Variants in AGPAT4 observed in about 807,000 individuals in gnomAD.
The protein encoded by AGPAT4 is 1-acyl-sn-glycerol-3-phosphate acyltransferase delta.
Under a neutral mutation model 48.0 loss-of-function variants are expected in AGPAT4, and 15 were observed. The ratio of observed to expected loss-of-function variants is 0.31; its 90% CI spans 0.21 to 0.48. The LOEUF is 0.48. Among genes scored for constraint, AGPAT4 ranks in the 20% least tolerant of loss-of-function variants. The pLI, the probability that AGPAT4 is intolerant of heterozygous loss-of-function variation, is 0.99. For synonymous variants in AGPAT4, 178 were observed against 198.7 expected, an observed-to-expected ratio of 0.90 and a Z score of 0.88; for missense variants, 314 against 482.5, an observed-to-expected ratio of 0.65 and a Z score of 3.27.
chr6:161,247,135 C>T (rs566694873), intron 1 of AGPAT4, among the ~76,000 whole-genome samples: 1 of 152,308 alleles, frequency 6.6e-6, no homozygotes, highest in African/African-American at 2.4e-5. Context: ...AAATTACCTG[C>T]GGAATCCCCT....
intron 3 of AGPAT4, among the ~76,000 whole-genome samples, chr6:161,157,271 G>A (rs144338867): frequency 8.5e-4 from 129 of 152,322 alleles, no homozygotes; most frequent in African/African-American, 2.8e-3. Flanking sequence ...GCATGCTTTC[G>A]CCATCTGCTT....
intron 2 of AGPAT4, among the ~76,000 whole-genome samples, chr6:161,209,002 A>C (rs557748340): frequency 6.6e-6 from 1 of 152,358 alleles, no homozygotes; most frequent in South Asian, 2.1e-4. Flanking sequence ...AAGAAAACGC[A>C]CATCGAACAG....
intron 2 of AGPAT4, among the ~76,000 whole-genome samples, chr6:161,205,179 G>A (rs547385024): frequency 1.4e-4 from 22 of 152,188 alleles, no homozygotes; most frequent in Admixed American, 4.6e-4. Context: ...TCCGCCTCTC[G>A]TCCACCTGAT....
rs769930715 is a variant in AGPAT4, at chr6:161,201,734, C to T, written c.178+30302G>A. Among the ~76,000 whole-genome samples the T allele has an allele frequency of 2.0e-5, 3 of 152,210 alleles. No individual in the cohort carries two copies. Among genetic ancestry groups the T allele is most frequent in the Admixed American group, 2.0e-4 (3 of 15,282 alleles). ...TCAAAAGATAGGGGTAGGTAAATTA[C>T]TGTGGCCCAACTAGGGCCAGGTCCT... On this transcript the variant is annotated intron_variant, in intron 2 of 8. Coordinates refer to ENST00000320285, the MANE Select transcript of AGPAT4 (RefSeq NM_020133.3). The surrounding 1 kb of genome is among the most constrained non-coding windows in gnomAD (Gnocchi z 6.0).
chr6:161,151,471 G>A (rs1426016265), intron 5 of AGPAT4, among the ~76,000 whole-genome samples: 1 of 152,246 alleles, frequency 6.6e-6, no homozygotes, highest in African/African-American at 2.4e-5. Context: ...CCAACCCAGA[G>A]GGGATGGATC....
Position 161,147,257 on chromosome 6 carries a change from C to G in AGPAT4, c.768-658G>C. Among the ~76,000 whole-genome samples, 1 of 152,106 alleles carries G rather than the reference C, an allele frequency of 6.6e-6. No homozygotes were observed. Among genetic ancestry groups the G allele is most frequent in the East Asian group, 1.9e-4 (1 of 5,196 alleles). ...AGCGAGAGCTCAGAGACTTGGGTGG[C>G]TCTGGGGACTGGTGCTGGCAAGGGC... On this transcript the variant is annotated intron_variant, in intron 6 of 8. Transcript: ENST00000320285. The surrounding 1 kb of genome is among the most constrained non-coding windows in gnomAD (Gnocchi z 4.8).
At position 161,141,265 on chromosome 6, in the gene AGPAT4, G is replaced by A. The variant is rs1456287235; in HGVS notation, c.844-1645C>T. 6.6e-6 allele frequency among the ~76,000 whole-genome samples: 1 copy of A among 152,104 alleles called. No individual in the cohort carries two copies. The highest frequency in any genetic ancestry group is 1.5e-5 in the Non-Finnish European group (1 of 68,016). ...GAAGCGTCACTTGTCGCGTGACTCTGCTGTTGGACATCAGCCAAGAGAAGC... is the reference window on the plus strand; with the variant it reads ...GAAGCGTCACTTGTCGCGTGACTCTACTGTTGGACATCAGCCAAGAGAAGC... On this transcript the variant is annotated intron_variant, in intron 7 of 8. Coordinates refer to ENST00000320285, the MANE Select transcript of AGPAT4 (RefSeq NM_020133.3). This position sits in a 1 kb window ranked among gnomAD's most constrained non-coding sequence, Gnocchi z 6.7.
At chr6:161,273,833 T>C (rs1783514377) in intron 1 of AGPAT4, 105 bp downstream of exon 1, 1 of 117,154 alleles carries the variant, frequency 8.5e-6, no homozygotes, top group African/African-American at 3.3e-5. Context: ...CCAGAGGTCC[T>C]AAGGAAATCC....
chr6:161,178,090 CG>C lies in AGPAT4; in HGVS notation c.179-11674del, dbSNP rs1780476869. ...GGAGGTGTCTCCCAGTTAGGCTACT[CG>C]GGGGTCAGGGACCCACTTGAGGAGG... is the stretch of plus-strand genomic sequence containing the variant. On this transcript the variant is annotated intron_variant, in intron 2 of 8. Transcript: ENST00000320285. This position sits in a 1 kb window ranked among gnomAD's most constrained non-coding sequence, Gnocchi z 5.1. Among the ~76,000 whole-genome samples, 1 of 152,204 alleles carries C rather than the reference CG, an allele frequency of 6.6e-6. No homozygotes were observed. Among genetic ancestry groups the C allele is most frequent in the South Asian group, 2.1e-4 (1 of 4,828 alleles).
chr6:161,179,751 A>G (rs1562326390), intron 2 of AGPAT4, among the ~76,000 whole-genome samples: 1 of 152,186 alleles, frequency 6.6e-6, no homozygotes, highest in South Asian at 2.1e-4. Context: ...TATGAATAGT[A>G]CATACATTTT....
rs200357662 is a variant in AGPAT4, at chr6:161,219,966, A to ACAGGCAGG, written c.178+12062_178+12069dup. ...GGCAGGCAGACAGACAGACAGACAG[A>ACAGGCAGG]CAGGCAGGCAGATAGATACATTTAA... On this transcript the variant is annotated intron_variant, in intron 2 of 8. Coordinates refer to ENST00000320285, the MANE Select transcript of AGPAT4 (RefSeq NM_020133.3). The surrounding 1 kb of genome is among the most constrained non-coding windows in gnomAD (Gnocchi z 4.9). Among the ~76,000 whole-genome samples the ACAGGCAGG allele has an allele frequency of 1.3e-5, 2 of 150,624 alleles. No homozygotes were observed. The highest frequency in any genetic ancestry group is 4.2e-4 in the South Asian group (2 of 4,782).
chr6:161,170,468 C>CGT (rs1780235309), intron 2 of AGPAT4, among the ~76,000 whole-genome samples: 1 of 77,206 alleles, frequency 1.3e-5, no homozygotes, highest in African/African-American at 5.5e-5. Context: ...CACACGTGCG[C>CGT]GCGCGCACAC....
In AGPAT4 at chr6:161,229,279, AC is replaced by A. The variant is rs1428096638; in HGVS notation, c.178+2756del. 6.6e-6 allele frequency among the ~76,000 whole-genome samples: 1 copy of A among 152,112 alleles called. No individual in the cohort carries two copies. On this transcript the variant is annotated intron_variant, in intron 2 of 8. Transcript: ENST00000320285. The surrounding 1 kb of genome is among the most constrained non-coding windows in gnomAD (Gnocchi z 6.0). ...CAGCTGCAAATCATGAATGCTGATG[AC>A]TGTCTAAGCTCAGAGTGACTCATAC... is the stretch of plus-strand genomic sequence containing the variant.
At chr6:161,209,835 G>T (rs1364456655) in intron 2 of AGPAT4, among the ~76,000 whole-genome samples, 9 of 152,124 alleles carry the variant, frequency 5.9e-5, no homozygotes, top group Admixed American at 5.2e-4. Context: ...GACCAGGCAG[G>T]ATGTGATGAA....
At position 161,215,354 on chromosome 6, in the gene AGPAT4, GT is replaced by G. The variant is rs1781617289; in HGVS notation, c.178+16681del. ...GGACATATTTGTGCTGAATCTCAAG[GT>G]TTTTGAGGCCATGGCTCATTCCTTC... On this transcript the variant is annotated intron_variant, in intron 2 of 8. Coordinates refer to ENST00000320285, the MANE Select transcript of AGPAT4 (RefSeq NM_020133.3). The surrounding 1 kb of genome is among the most constrained non-coding windows in gnomAD (Gnocchi z 4.5). Among the ~76,000 whole-genome samples, 1 of 152,114 alleles carries G rather than the reference GT, an allele frequency of 6.6e-6. No individual in the cohort carries two copies. The highest frequency in any genetic ancestry group is 1.5e-5 in the Non-Finnish European group (1 of 68,016).
rs1214321345 is a variant in AGPAT4 at position 161,136,619 on chromosome 6, C to T, written c.1058G>A (p.Arg353Gln). 2 of 1,614,166 alleles carry T rather than the reference C, an allele frequency of 1.2e-6. No homozygotes were observed. The highest frequency in any genetic ancestry group is 1.7e-6 in the Non-Finnish European group (2 of 1,180,014). Residue 353 changes from arginine (R) to glutamine (Q), a missense_variant, in exon 9 of 9, where the codon CGA (arginine) becomes CAA (glutamine). Arg to Gln is a conservative substitution (Grantham distance 43). Transcript: ENST00000320285. ...AATTTCCGTCACACCAATCATCCAT[C>T]GAACTCCCACGGAGGCTGCAGAGAC... ...LVFFVASVGV[R>Q]WMIGVTEIDK...
intron 1 of AGPAT4, among the ~76,000 whole-genome samples, chr6:161,256,764 TGG>T (rs955911116): frequency 3.9e-5 from 6 of 152,032 alleles, no homozygotes; most frequent in Non-Finnish European, 8.8e-5. Flanking sequence ...ATGAAATCAG[TGG>T]GGAGATAAAT....
At chr6:161,250,407 C>T (rs560740243) in intron 1 of AGPAT4, among the ~76,000 whole-genome samples, 108 of 152,236 alleles carry the variant, frequency 7.1e-4, no homozygotes, top group Non-Finnish European at 1.4e-3. Flanking sequence ...ATGCTCTTTT[C>T]TAGCCTTTAA....
In AGPAT4 at chr6:161,137,048, G is replaced by A. The variant is rs2114947319; in HGVS notation, c.1043-414C>T. 6.6e-6 allele frequency among the ~76,000 whole-genome samples: 1 copy of A among 152,348 alleles called. No individual in the cohort carries two copies. Among genetic ancestry groups the A allele is most frequent in the East Asian group, 1.9e-4 (1 of 5,182 alleles). On this transcript the variant is annotated intron_variant, in intron 8 of 8. Coordinates refer to ENST00000320285, the MANE Select transcript of AGPAT4 (RefSeq NM_020133.3). This position sits in a 1 kb window ranked among gnomAD's most constrained non-coding sequence, Gnocchi z 6.1. ...CAGACCAGGAGCCTGGAAGACGCAAGAGCTCGAGTATCGAGTGCCCAACAC... is the reference window on the plus strand; with the variant it reads ...CAGACCAGGAGCCTGGAAGACGCAAAAGCTCGAGTATCGAGTGCCCAACAC...
Sources: gnomAD v4.1 joint callset for allele counts (sites outside exome capture counted in the v4.1 genomes callset) on GRCh38, gnomAD v4.1.1 for gene constraint, Gnocchi (gnomAD v3.1) non-coding constraint, MANE v1.5 for transcripts, NCBI Gene and HGNC (gene_info 2026-07-23, HGNC 2026-07-21) for gene names.